The following HCN1 variants were observed in gnomAD, a reference collection of about 807,000 sequenced individuals.
The protein encoded by HCN1 is hyperpolarization activated cyclic nucleotide gated potassium channel 1.
HCN1 carries 13 observed loss-of-function variants against 78.9 expected under a neutral mutation model. The ratio of observed to expected loss-of-function variants is 0.16; its 90% CI spans 0.11 to 0.26. The LOEUF (loss-of-function observed/expected upper bound fraction) is 0.26. HCN1 is among the 10% of genes least tolerant of loss of function. HCN1 has a pLI of 1.00. For synonymous variants in HCN1, 552 were observed against 455.5 expected, an observed-to-expected ratio of 1.21 and a Z score of -2.70; for missense variants, 810 against 1,154.3, an observed-to-expected ratio of 0.70 and a Z score of 4.32.
chr5:45,377,532 CAGACTGCCTGCTGAAACTAACCGAG>C (rs1393006651), intron 4 of HCN1, among the ~76,000 whole-genome samples: 3 of 151,798 alleles, frequency 2.0e-5, no homozygotes, highest in African/African-American at 7.3e-5. Flanking sequence ...CCTTAGTTGA[CAGACTGCCTGCTGAAACTAACCGAG>C]AGCAAAGTTA....
At chr5:45,611,713 T>C (rs1744841378) in intron 2 of HCN1, among the ~76,000 whole-genome samples, 1 of 151,954 alleles carries the variant, frequency 6.6e-6, no homozygotes, top group South Asian at 2.1e-4. Context: ...TCAAATATGA[T>C]TCTTTCTTTT....
At chr5:45,620,602 C>A (rs1745040739) in intron 2 of HCN1, among the ~76,000 whole-genome samples, 1 of 151,576 alleles carries the variant, frequency 6.6e-6, no homozygotes, top group African/African-American at 2.4e-5. Flanking sequence ...AAAGCCAGTT[C>A]TGTTATATAA....
chr5:45,461,254 C>T (rs1741149451), intron 3 of HCN1, among the ~76,000 whole-genome samples: 1 of 151,962 alleles, frequency 6.6e-6, no homozygotes, highest in Non-Finnish European at 1.5e-5. Context: ...TAGGAATATA[C>T]ATAGCTATTT....
At chr5:45,636,610 G>C (rs1012100219) in intron 2 of HCN1, among the ~76,000 whole-genome samples, 3 of 152,122 alleles carry the variant, frequency 2.0e-5, no homozygotes, top group Non-Finnish European at 2.9e-5. Flanking sequence ...TGTTTTGGGA[G>C]GCTGAGGTGG....
At chr5:45,640,763 C>A (rs1200833350) in intron 2 of HCN1, among the ~76,000 whole-genome samples, 1 of 149,786 alleles carries the variant, frequency 6.7e-6, no homozygotes, top group African/African-American at 2.5e-5. Flanking sequence ...TTAGTAGAGA[C>A]AGGGTTTCAC....
At chr5:45,446,875 C>G (rs1740810020) in intron 3 of HCN1, among the ~76,000 whole-genome samples, 1 of 151,982 alleles carries the variant, frequency 6.6e-6, no homozygotes, top group South Asian at 2.1e-4. Flanking sequence ...CCTAAAAGAG[C>G]TCCTGAAGGA....
chr5:45,524,562 AG>A (rs1294664621), intron 2 of HCN1, among the ~76,000 whole-genome samples: 2 of 152,086 alleles, frequency 1.3e-5, no homozygotes, highest in African/African-American at 4.8e-5. Context: ...CTCCTTGAAG[AG>A]GTCCTTCATG....
intron 4 of HCN1, among the ~76,000 whole-genome samples, chr5:45,375,373 TATATA>T (rs930308666): frequency 1.2e-4 from 15 of 126,048 alleles, no homozygotes; most frequent in Non-Finnish European, 1.9e-4. Flanking sequence ...ATATACAATA[TATATA>T]ATATAATATT....
chr5:45,295,710 T>C (rs1051071657), intron 6 of HCN1, among the ~76,000 whole-genome samples: 4 of 152,036 alleles, frequency 2.6e-5, no homozygotes, highest in African/African-American at 4.8e-5. Flanking sequence ...GAACTGATTA[T>C]GTTTATTTAG....
intron 2 of HCN1, among the ~76,000 whole-genome samples, chr5:45,463,099 G>T (rs1174633199): frequency 2.0e-5 from 3 of 151,900 alleles, no homozygotes; most frequent in Non-Finnish European, 4.4e-5. Context: ...CAAAAGAATG[G>T]TGTGTTTTTG....
intron 3 of HCN1, among the ~76,000 whole-genome samples, chr5:45,429,609 G>C (rs996430179): frequency 6.6e-6 from 1 of 152,094 alleles, no homozygotes; most frequent in African/African-American, 2.4e-5. Flanking sequence ...AAAATAGAGG[G>C]AATAAACTGG....
In HCN1 at chr5:45,262,423, G is replaced by A. The variant is rs1744765064; in HGVS notation, c.2171C>T (p.Ala724Val). The A allele has an allele frequency of 6.2e-7, 1 of 1,611,518 alleles. No individual in the cohort carries two copies. The stretch of plus-strand genomic sequence containing the variant: ...CTGTTGCATGAGTGACAGCTGGGAG[G>A]CGGTGGGGGAGGCATAGTGGAAAGT... The part of the protein sequence containing the change: ...ARTFHYASPT[A>V]SQLSLMQQQP... The change falls in exon 8 of 8, where the codon GCC (alanine) becomes GTC (valine). Residue 724 changes from alanine to valine, a missense_variant. By Grantham distance (64) the Ala-to-Val change is moderately conservative. Around this residue, in one of 6 missense-constraint regions of HCN1, gnomAD observed 398 missense variants for 381.3 expected, o/e 1.04. Transcript: ENST00000303230.
intron 3 of HCN1, among the ~76,000 whole-genome samples, chr5:45,457,393 G>T (rs757603559): frequency 6.6e-6 from 1 of 151,806 alleles, no homozygotes; most frequent in Middle Eastern, 3.2e-3. Flanking sequence ...AAATGTCATG[G>T]GAATAAAACT....
rs772962018 is a variant in HCN1, at chr5:45,262,393, G to A, written c.2201C>T (p.Pro734Leu). The A allele has an allele frequency of 1.9e-6, 3 of 1,611,570 alleles. No homozygotes were observed. The highest frequency in any genetic ancestry group is 2.5e-6 in the Non-Finnish European group (3 of 1,179,618). ...CTGGGACTGCTGTACCTGCTGCTGC[G>A]GCTGCTGTTGCATGAGTGACAGCTG... The part of the protein sequence containing the change: ...ASQLSLMQQQ[P>L]QQQVQQSQPP... The change falls in exon 8 of 8, where the codon CCG (proline) becomes CTG (leucine). Residue 734 changes from proline to leucine, a missense_variant. Physicochemically the swap from Pro to Leu is moderately conservative, Grantham distance 98 (BLOSUM62 -3). Around this residue, in one of 6 missense-constraint regions of HCN1, gnomAD observed 398 missense variants for 381.3 expected, o/e 1.04. Transcript: ENST00000303230.
intron 5 of HCN1, among the ~76,000 whole-genome samples, chr5:45,348,573 T>A (rs1358013298): frequency 1.3e-5 from 2 of 152,100 alleles, no homozygotes; most frequent in Non-Finnish European, 2.9e-5. Flanking sequence ...CAGACTGGCA[T>A]ATTGGATAAA....
At chr5:45,687,639 C>A (rs1482924680) in intron 1 of HCN1, among the ~76,000 whole-genome samples, 1 of 151,886 alleles carries the variant, frequency 6.6e-6, no homozygotes, top group Admixed American at 6.6e-5. Context: ...TTATGCCATC[C>A]CTCTGGACCT....
chr5:45,352,632 A>G (rs114065373), intron 5 of HCN1, among the ~76,000 whole-genome samples: 4,525 of 152,162 alleles, frequency 0.03, 89 homozygotes, highest in Non-Finnish European at 0.041. Context: ...AGGGAGGAAC[A>G]GAAAGATGAT....
intron 2 of HCN1, among the ~76,000 whole-genome samples, chr5:45,571,641 G>A (rs1329081382): frequency 1.3e-5 from 2 of 152,110 alleles, no homozygotes; most frequent in African/African-American, 2.4e-5. Context: ...GAGGACAGAC[G>A]CGGTGTCTCA....
At chr5:45,449,491 AAGG>A (rs1740867020) in intron 3 of HCN1, among the ~76,000 whole-genome samples, 1 of 152,198 alleles carries the variant, frequency 6.6e-6, no homozygotes, top group African/African-American at 2.4e-5. Flanking sequence ...CGTCTGCTTT[AAGG>A]AGATTAGATG....
Sources: gnomAD v4.1 joint callset for allele counts (sites outside exome capture counted in the v4.1 genomes callset) on GRCh38, gnomAD v4.1.1 for gene constraint, gnomAD v4.1.1 regional missense constraint, MANE v1.5 for transcripts, NCBI Gene and HGNC (gene_info 2026-07-23, HGNC 2026-07-21) for gene names.